Variants in CRB1 observed in about 807,000 individuals in gnomAD.
The protein encoded by CRB1 is crumbs cell polarity complex component 1.
A neutral mutation model predicts 120.0 loss-of-function variants in CRB1; 83 were observed. That is an observed-to-expected ratio of 0.69 (90% CI 0.58 to 0.83). The LOEUF (loss-of-function observed/expected upper bound fraction) is 0.83, where lower values mean the gene tolerates loss of function less well. Ranked by LOEUF, CRB1 falls within the 40% of genes least tolerant of loss-of-function variation. CRB1 has a pLI of 0.00. For synonymous variants in CRB1, 625 were observed against 612.5 expected (o/e 1.02, Z -0.30); for missense variants, 1,699 against 1,687.6 (o/e 1.01, Z -0.12).
chr1:197,325,053 A>C (rs996038840), intron 1 of CRB1, among the ~76,000 whole-genome samples: 4 of 152,228 alleles, frequency 2.6e-5, no homozygotes, highest in Non-Finnish European at 5.9e-5. Flanking sequence ...AAAAGAGGTC[A>C]AAGTAAGAAT....
At chr1:197,268,209 C>T (rs544047392), upstream of CRB1, 71 of 544,064 alleles carry the variant, frequency 1.3e-4, 1 homozygote, top group South Asian at 1.4e-3. Flanking sequence ...CCCATCCTCC[C>T]GTGTAAGTGA....
chr1:197,270,670 TATTA>T (rs950017608), intron 1 of CRB1, among the ~76,000 whole-genome samples: 13 of 152,190 alleles, frequency 8.5e-5, no homozygotes, highest in Admixed American at 2.6e-4. Flanking sequence ...TAGAATTTAT[TATTA>T]ATTCCATTTT....
chr1:197,355,065 T>A (rs3122635), intron 4 of CRB1, among the ~76,000 whole-genome samples: 3 of 151,112 alleles, frequency 2.0e-5, no homozygotes, highest in East Asian at 2.0e-4. Context: ...ACAGAGTGCC[T>A]ATTGTTGCAT....
chr1:197,318,895 C>T (rs886539899), intron 1 of CRB1, among the ~76,000 whole-genome samples: 5 of 152,008 alleles, frequency 3.3e-5, no homozygotes, highest in Non-Finnish European at 5.9e-5. Context: ...TATAGTTACA[C>T]AGGAGGATAA....
intron 5 of CRB1, among the ~76,000 whole-genome samples, chr1:197,377,745 C>T (rs1468302009): frequency 6.6e-6 from 1 of 152,046 alleles, no homozygotes; most frequent in African/African-American, 2.4e-5. Flanking sequence ...TTCAAAAATT[C>T]AAAGATATTA....
chr1:197,237,846 T>C, the CRB1 span, among the ~76,000 whole-genome samples: 1 of 152,268 alleles, frequency 6.6e-6, no homozygotes, highest in African/African-American at 2.4e-5. Flanking sequence ...TTTTCAATTT[T>C]ATTGATTTCT....
chr1:197,425,287 G>A (rs891589135), intron 6 of CRB1, among the ~76,000 whole-genome samples: 6 of 152,174 alleles, frequency 3.9e-5, no homozygotes, highest in Non-Finnish European at 7.3e-5. Flanking sequence ...GCCTGGAGCA[G>A]GTGGTCTCCA....
chr1:197,475,643 AC>A (rs1274928200), intron 11 of CRB1, among the ~76,000 whole-genome samples: 1 of 152,208 alleles, frequency 6.6e-6, no homozygotes, highest in Admixed American at 6.5e-5. Context: ...CTCCTCACTG[AC>A]TACAGGACAA....
intron 11 of CRB1, among the ~76,000 whole-genome samples, chr1:197,445,593 T>C (rs182012981): frequency 6.6e-6 from 1 of 152,318 alleles, no homozygotes; most frequent in Admixed American, 6.5e-5. Context: ...CTTTTGGCCA[T>C]TTGTAGGTTT....
At chr1:197,232,991 A>C in the CRB1 span, among the ~76,000 whole-genome samples, 2 of 151,860 alleles carry the variant, frequency 1.3e-5, no homozygotes, top group Non-Finnish European at 2.9e-5. Context: ...TTATTTTCCT[A>C]GTCTTTGAAG....
chr1:197,253,420 A>G, the CRB1 span, among the ~76,000 whole-genome samples: 4 of 152,092 alleles, frequency 2.6e-5, no homozygotes, highest in African/African-American at 9.7e-5. Flanking sequence ...AACATTTTTT[A>G]ACACAGTGTA....
At chr1:197,469,220 A>AAAAT (rs1372015541) in intron 11 of CRB1, among the ~76,000 whole-genome samples, 2 of 152,208 alleles carry the variant, frequency 1.3e-5, no homozygotes, top group East Asian at 3.8e-4. Flanking sequence ...ACCCTGTCTC[A>AAAAT]AAATAAATAA....
intron 5 of CRB1, among the ~76,000 whole-genome samples, chr1:197,417,708 T>C (rs1290374944): frequency 6.6e-6 from 1 of 152,126 alleles, no homozygotes; most frequent in Admixed American, 6.5e-5. Context: ...CACCTCCCAG[T>C]CTCAGAAACC....
chr1:197,453,413 T>G (rs1051706374), intron 11 of CRB1, among the ~76,000 whole-genome samples: 4 of 147,032 alleles, frequency 2.7e-5, no homozygotes, highest in Middle Eastern at 3.6e-3. Flanking sequence ...ATATACTAAT[T>G]TAGCATACTT....
intron 1 of CRB1, among the ~76,000 whole-genome samples, chr1:197,309,525 C>T (rs12567912): frequency 0.064 from 9,740 of 152,064 alleles, 371 homozygotes; most frequent in African/African-American, 0.085. Context: ...GAGGCCGAGG[C>T]GGGCGGATCA....
the CRB1 span, among the ~76,000 whole-genome samples, chr1:197,252,570 ATATATATATATATGTGTGTG>A: frequency 4.1e-5 from 2 of 48,630 alleles, no homozygotes; most frequent in African/African-American, 1.2e-4. Context: ...ATATATATAT[ATATATATATATATGTGTGTG>A]TGTGTGTGTG....
intron 1 of CRB1, among the ~76,000 whole-genome samples, chr1:197,273,805 T>C (rs115272453): frequency 1.3e-5 from 2 of 152,068 alleles, no homozygotes; most frequent in Non-Finnish European, 2.9e-5. Flanking sequence ...CCTTTATGGC[T>C]CTACAATCCC....
At chr1:197,202,441 A>G in the CRB1 span, among the ~76,000 whole-genome samples, 2 of 152,220 alleles carry the variant, frequency 1.3e-5, no homozygotes, top group Non-Finnish European at 1.5e-5. Context: ...CAAGATAGAA[A>G]AAGGATGGTA....
chr1:197,424,259 C>T (rs1205388326), intron 6 of CRB1, among the ~76,000 whole-genome samples: 3 of 152,082 alleles, frequency 2.0e-5, no homozygotes, highest in Non-Finnish European at 4.4e-5. Flanking sequence ...AAAAATTGCC[C>T]AAAAGTTATT....
Sources: gnomAD v4.1 joint callset for allele counts (sites outside exome capture counted in the v4.1 genomes callset) on GRCh38, gnomAD v4.1.1 for gene constraint, MANE v1.5 for transcripts, NCBI Gene and HGNC (gene_info 2026-07-23, HGNC 2026-07-21) for gene names.